TMEM8B: variants seen among roughly 807,000 people sequenced by gnomAD.
TMEM8B encodes the protein nasopharyngeal carcinoma expressed 6.
In TMEM8B, 29 loss-of-function variants were observed where a neutral mutation model predicts 49.3. The ratio of observed to expected loss-of-function variants is 0.59; its 90% CI spans 0.44 to 0.80. TMEM8B has a LOEUF of 0.80. Among genes scored for constraint, TMEM8B ranks in the 30% least tolerant of loss-of-function variants. The probability of loss-of-function intolerance (pLI) is 0.00; values close to 1 mark genes in which losing one functional copy is unlikely to be tolerated. For missense variants in TMEM8B, 575 were observed against 658.5 expected (o/e 0.87, Z 1.39); for synonymous variants, 264 against 272.8 (o/e 0.97, Z 0.32).
At chr9:35,831,905 T>C (rs1009388106) in intron 1 of TMEM8B, among the ~76,000 whole-genome samples, 1 of 152,070 alleles carries the variant, frequency 6.6e-6, no homozygotes, top group Non-Finnish European at 1.5e-5. Flanking sequence ...ATGGTGGTGA[T>C]GGGTTTTGTC....
In TMEM8B at chr9:35,834,275, A is replaced by T. The variant is rs772937298; in HGVS notation, c.509-186A>T. On this transcript the variant is annotated intron_variant, in intron 1 of 12. Coordinates refer to ENST00000643932, the MANE Select transcript of TMEM8B (RefSeq NM_001042590.4). Reference sequence around the variant, plus strand: ...TTTTGTTTTTGTTTTTTTTTAAATAAGATTAACGTAAGGATTAAACCAGAT... The same window carrying T: ...TTTTGTTTTTGTTTTTTTTTAAATATGATTAACGTAAGGATTAAACCAGAT... Among the ~76,000 whole-genome samples, 105 of 152,060 alleles carry T rather than the reference A, an allele frequency of 6.9e-4. 8 individuals are homozygous for T. The highest frequency in any genetic ancestry group is 3.4e-4 in the Non-Finnish European group (23 of 68,008).
intron 1 of TMEM8B, among the ~76,000 whole-genome samples, chr9:35,831,028 C>CA (rs1829836766): frequency 6.6e-6 from 1 of 152,154 alleles, no homozygotes; most frequent in African/African-American, 2.4e-5. Flanking sequence ...TTGGAAATAA[C>CA]AGCCAACAGA....
intron 3 of TMEM8B, among the ~76,000 whole-genome samples, chr9:35,838,377 C>T (rs1416449864): frequency 6.6e-6 from 1 of 151,954 alleles, no homozygotes; most frequent in Admixed American, 6.6e-5. Context: ...CAGAACTGTC[C>T]TGGTTTTCCC....
rs751323760 is a variant in TMEM8B, at chr9:35,853,842, A to AG, written c.*6dup. The AG allele has an allele frequency of 2.6e-6, 4 of 1,532,756 alleles. No individual in the cohort carries two copies. In the South Asian group the frequency reaches 5.2e-5, roughly 20 times the overall value. 94.9% of individuals were successfully genotyped at this position (1,532,756 alleles called of 1,614,324 possible). A position where few individuals can be genotyped will look rare whatever the true frequency, so the allele number is the denominator to read the frequency against. ...GTCAGCAGCATCTGTGCCAGCTGAG[A>AG]GGGGCTTTGGGCCTGGCCCTGAGGG... is the stretch of plus-strand genomic sequence containing the variant. On this transcript the variant is annotated 3_prime_UTR_variant, in exon 13 of 13. Transcript: ENST00000643932. The surrounding 1 kb of genome is among the most constrained non-coding windows in gnomAD (Gnocchi z 4.2).
chr9:35,831,235 C>T (rs771983174), intron 1 of TMEM8B, among the ~76,000 whole-genome samples: 1 of 152,060 alleles, frequency 6.6e-6, no homozygotes. Context: ...AGTGTAGACA[C>T]GTGCATGTGT....
chr9:35,861,940 T>G lies in TMEM8B; in HGVS notation c.*8100T>G, dbSNP rs533767138. 1 of 152,304 alleles carries G rather than the reference T, an allele frequency of 6.6e-6. No homozygotes were observed. The highest frequency in any genetic ancestry group is 2.1e-4 in the South Asian group (1 of 4,820). The allele number at this position is 152,304 out of a possible 1,614,324, so 9.4% of individuals were successfully genotyped here. A position where few individuals can be genotyped will look rare whatever the true frequency, so the allele number is the denominator to read the frequency against. ...TTCCTCTACCCTGAATCAGGGTGAT[T>G]CTTAAAGGACAGTTTCAGGAACATA... On this transcript the variant is annotated 3_prime_UTR_variant, in exon 13 of 13. Transcript: ENST00000643932.
chr9:35,831,414 G>A (rs564541973), intron 1 of TMEM8B, among the ~76,000 whole-genome samples: 1 of 152,302 alleles, frequency 6.6e-6, no homozygotes, highest in African/African-American at 2.4e-5. Flanking sequence ...GCAGTTCCAA[G>A]GGTGAGGGCA....
chr9:35,854,757 A>C lies in TMEM8B; in HGVS notation c.*917A>C, dbSNP rs1240373727. ...TGATGCCCACACCCAACACAGAAGG[A>C]AGCCGAGGTCCCAGGAAATTGGAAT... On this transcript the variant is annotated 3_prime_UTR_variant, in exon 13 of 13. Coordinates refer to ENST00000643932, the MANE Select transcript of TMEM8B (RefSeq NM_001042590.4). The C allele has an allele frequency of 6.6e-6, 1 of 152,180 alleles. No individual in the cohort carries two copies. Among genetic ancestry groups the C allele is most frequent in the African/African-American group, 2.4e-5 (1 of 41,446 alleles). 9.4% of individuals were successfully genotyped at this position (152,180 alleles called of 1,614,324 possible).
At chr9:35,846,762 G>C (rs571902889) in intron 9 of TMEM8B, 55 bp from the exon 10 acceptor site, 1 of 1,567,188 alleles carries the variant, frequency 6.4e-7, no homozygotes, top group African/African-American at 1.3e-5. Flanking sequence ...AAGCTGTGGC[G>C]TAGGCCCATA....
chr9:35,864,669 C>T lies in TMEM8B; in HGVS notation c.*10829C>T, dbSNP rs1354108174. 1 of 152,210 alleles carries T rather than the reference C, an allele frequency of 6.6e-6. No individual in the cohort carries two copies. Among genetic ancestry groups the T allele is most frequent in the African/African-American group, 2.4e-5 (1 of 41,446 alleles). 9.4% of individuals were successfully genotyped at this position (152,210 alleles called of 1,614,324 possible). A position where few individuals can be genotyped will look rare whatever the true frequency, so the allele number is the denominator to read the frequency against. On this transcript the variant is annotated 3_prime_UTR_variant, in exon 13 of 13. Transcript: ENST00000643932. ...AGTGAGCAGTAGATGATATTATTAC[C>T]ATCCTGTCCCTATCCCTGTCCCCCA...
intron 3 of TMEM8B, among the ~76,000 whole-genome samples, chr9:35,839,512 C>A (rs578248346): frequency 2.6e-5 from 4 of 152,352 alleles, no homozygotes; most frequent in Admixed American, 2.0e-4. Context: ...GGGGGACTGG[C>A]TGTGCACGTT....
intron 3 of TMEM8B, among the ~76,000 whole-genome samples, chr9:35,837,746 C>T (rs988884137): frequency 3.3e-5 from 5 of 152,164 alleles, no homozygotes; most frequent in African/African-American, 4.8e-5. Context: ...TGCCTTTTCA[C>T]GTCCTTTCCT....
chr9:35,862,196 T>C lies in TMEM8B; in HGVS notation c.*8356T>C, dbSNP rs1418216569. ...GAGACAGACCTGGCTCCTGCCCTCA[T>C]GGAGTTTGCAGTCATTCATTCACTC... On this transcript the variant is annotated 3_prime_UTR_variant, in exon 13 of 13. Transcript: ENST00000643932. The C allele has an allele frequency of 6.6e-6, 1 of 152,268 alleles. No homozygotes were observed. The highest frequency in any genetic ancestry group is 1.9e-4 in the East Asian group (1 of 5,202). 9.4% of individuals were successfully genotyped at this position (152,268 alleles called of 1,614,324 possible). A position where few individuals can be genotyped will look rare whatever the true frequency, so the allele number is the denominator to read the frequency against.
At position 35,853,452 on chromosome 9, in the gene TMEM8B, G is replaced by A. The variant is rs147474474; in HGVS notation, c.2440-53G>A. 3.1e-4 allele frequency: 495 copies of A among 1,573,724 alleles called. 1 individual carries two copies. The African/African-American group carries it at 5.8e-3, about 18-fold the overall frequency. ...GGAAACCTGAGAGTGACCAGCTCTG[G>A]CTTGGGTTCCAGGGCTTGGCATTCC... On this transcript the variant is annotated intron_variant, in intron 12 of 12. Transcript: ENST00000643932. This position sits in a 1 kb window ranked among gnomAD's most constrained non-coding sequence, Gnocchi z 4.2.
At chr9:35,852,748 C>T (rs1564046172) in intron 10 of TMEM8B, 79 bp from the exon 11 acceptor site, 6 of 1,566,278 alleles carry the variant, frequency 3.8e-6, no homozygotes, top group South Asian at 1.1e-5. Flanking sequence ...AGCACACCAC[C>T]CCTGGGCCCA....
chr9:35,848,928 C>A (rs1831890286), intron 10 of TMEM8B, among the ~76,000 whole-genome samples: 1 of 152,080 alleles, frequency 6.6e-6, no homozygotes, highest in Non-Finnish European at 1.5e-5. Context: ...CCACCTTGGC[C>A]TCCCAAAGTG....
rs745870496 is a variant in TMEM8B, at chr9:35,835,503, G to A, written c.906+285G>A. 1.8e-4 allele frequency: 56 copies of A among 306,668 alleles called. 1 individual carries two copies. The highest frequency in any genetic ancestry group is 7.9e-4 in the African/African-American group (37 of 46,600). The allele number at this position is 306,668 out of a possible 1,614,324, so 19.0% of individuals were successfully genotyped here. ...GGCTCTGGCACAGGGGAGTAGTGCC[G>A]CCTCCTAGTGGAAGGCACAAATGTT... On this transcript the variant is annotated intron_variant, in intron 3 of 12. Transcript: ENST00000643932.
intron 10 of TMEM8B, among the ~76,000 whole-genome samples, chr9:35,851,504 T>C (rs1045906656): frequency 6.6e-6 from 1 of 152,208 alleles, no homozygotes; most frequent in Non-Finnish European, 1.5e-5. Flanking sequence ...AAATTTCCCA[T>C]TGAGAACTCA....
At position 35,841,711 on chromosome 9, in the gene TMEM8B, G is replaced by T. The variant is rs1310699525; in HGVS notation, c.1226G>T (p.Gly409Val). 4.8e-6 allele frequency: 2 copies of T among 415,968 alleles called. No individual in the cohort carries two copies. Among genetic ancestry groups the T allele is most frequent in the East Asian group, 7.1e-5 (2 of 28,074 alleles). The allele number at this position is 415,968 out of a possible 1,614,324, so 25.8% of individuals were successfully genotyped here. The change falls in exon 5 of 13, where the codon GGG becomes GTG. Residue 409 changes from glycine to valine, a missense_variant. Gly to Val is a moderately radical substitution (Grantham distance 109). Transcript: ENST00000643932. This position sits in a 1 kb window ranked among gnomAD's most constrained non-coding sequence, Gnocchi z 5.9. ...CTGGAGCTGGCACTGCCCCCCTGGG[G>T]GCACTGGGTCTACGTGCGTGTGGAA... Reference protein sequence around the residue: ...CQLELALPPWGHWVYVRVETS... With the variant: ...CQLELALPPWVHWVYVRVETS...
Sources: allele counts gnomAD v4.1 joint callset (sites outside exome capture counted in the v4.1 genomes callset), GRCh38; gene constraint gnomAD v4.1.1; non-coding constraint Gnocchi (gnomAD v3.1); transcripts MANE v1.5; gene names NCBI Gene and HGNC (gene_info 2026-07-23, HGNC 2026-07-21).